Variants in NMNAT2 observed in about 807,000 individuals in gnomAD.
NMNAT2 encodes the protein nicotinamide/nicotinic acid mononucleotide adenylyltransferase 2.
Under a neutral mutation model 41.6 loss-of-function variants are expected in NMNAT2, and 11 were observed. The ratio of observed to expected loss-of-function variants is 0.26; its 90% confidence interval spans 0.17 to 0.44. The LOEUF (loss-of-function observed/expected upper bound fraction) is 0.44. Ranked by LOEUF, NMNAT2 falls within the 20% of genes least tolerant of loss-of-function variation. The pLI is 1.00. For missense variants in NMNAT2, 288 were observed against 407.7 expected (o/e 0.71, Z 2.53); for synonymous variants, 148 against 151.2 (o/e 0.98, Z 0.16).
In NMNAT2 at chr1:183,253,481, A is replaced by C. The variant is rs569178740; in HGVS notation, c.822-738T>G. Among the ~76,000 whole-genome samples the C allele has an allele frequency of 7.9e-5, 12 of 152,222 alleles. No homozygotes were observed. The East Asian group carries it at 1.9e-3, about 24-fold the overall frequency. Reference sequence around the variant, plus strand: ...CTAATTTAGCAAAAACCCTAAATATAATACACTATTATTAGCTGTCATCCT... The same window carrying C: ...CTAATTTAGCAAAAACCCTAAATATCATACACTATTATTAGCTGTCATCCT... On this transcript the variant is annotated intron_variant, in intron 10 of 10. Transcript: ENST00000287713.
At chr1:183,273,738 CTTTT>C (rs1661044524) in intron 8 of NMNAT2, among the ~76,000 whole-genome samples, 1 of 151,926 alleles carries the variant, frequency 6.6e-6, no homozygotes, top group African/African-American at 2.4e-5. Flanking sequence ...TTCTTTCTTT[CTTTT>C]TCTCTCTTTT....
chr1:183,389,806 A>AGGGAGGGAGGG (rs1557897646), intron 1 of NMNAT2, among the ~76,000 whole-genome samples: 11 of 84,958 alleles, frequency 1.3e-4, no homozygotes, highest in Non-Finnish European at 2.3e-4. Context: ...GAAAGAAAGA[A>AGGGAGGGAGGG]AGAAAGAAAG....
chr1:183,400,661 C>T (rs1422620148), intron 1 of NMNAT2, among the ~76,000 whole-genome samples: 2 of 152,182 alleles, frequency 1.3e-5, no homozygotes, highest in Admixed American at 6.5e-5. Context: ...TGACTTCACA[C>T]TGTACTACAA....
At chr1:183,403,449 C>A (rs1011058037) in intron 1 of NMNAT2, among the ~76,000 whole-genome samples, 2 of 151,464 alleles carry the variant, frequency 1.3e-5, no homozygotes, top group Admixed American at 6.6e-5. Context: ...AACCCCCCCC[C>A]CCAAAAAAAA....
intron 1 of NMNAT2, among the ~76,000 whole-genome samples, chr1:183,307,770 C>CG (rs1662028787): frequency 6.6e-6 from 1 of 152,020 alleles, no homozygotes; most frequent in South Asian, 2.1e-4. Flanking sequence ...TTAGTGGAGT[C>CG]GGGGTTTCAA....
rs1238235758 is a variant in NMNAT2 at position 183,389,661 on chromosome 1, T to C, written c.85+28522A>G. Among the ~76,000 whole-genome samples, 6 of 149,696 alleles carry C rather than the reference T, an allele frequency of 4.0e-5. No individual in the cohort carries two copies. The Admixed American group carries it at 4.0e-4, about 10-fold the overall frequency. The stretch of plus-strand genomic sequence containing the variant: ...TGAGGTGGGAGGATTGCTTGAGCCC[T>C]GGAGGTTGAGACTGCAGTGAGCTGA... On this transcript the variant is annotated intron_variant, in intron 1 of 10. Transcript: ENST00000287713.
Position 183,352,336 on chromosome 1 carries a change from G to T in NMNAT2, c.86-58543C>A, listed in dbSNP as rs551791581. ...CCCAGCACTTAGGGAGGCTAAGGTG[G>T]GTGGATCACCTGAAGTCAGGAGTTC... On this transcript the variant is annotated intron_variant, in intron 1 of 10. Coordinates refer to ENST00000287713, the MANE Select transcript of NMNAT2 (RefSeq NM_015039.4). 3.3e-5 allele frequency among the ~76,000 whole-genome samples: 5 copies of T among 152,198 alleles called. No homozygotes were observed. In the South Asian group the frequency reaches 8.3e-4, roughly 25 times the overall value.
chr1:183,270,583 A>G (rs1660960526), intron 8 of NMNAT2, among the ~76,000 whole-genome samples: 1 of 152,060 alleles, frequency 6.6e-6, no homozygotes, highest in Non-Finnish European at 1.5e-5. Flanking sequence ...CCCAGATGAA[A>G]TCATCCCCAC....
intron 1 of NMNAT2, among the ~76,000 whole-genome samples, chr1:183,337,819 C>T (rs76867302): frequency 3.0e-3 from 461 of 152,184 alleles, no homozygotes; most frequent in African/African-American, 0.011. Context: ...CTAAATGCCT[C>T]GTAGATGATT....
At chr1:183,293,886 G>A in intron 1 of NMNAT2, 93 bp from the exon 2 acceptor site, 1 of 854,222 alleles carries the variant, frequency 1.2e-6, no homozygotes, top group Non-Finnish European at 1.9e-6. Flanking sequence ...TGTAATGCTG[G>A]GGTTTATTTC....
intron 1 of NMNAT2, among the ~76,000 whole-genome samples, chr1:183,384,138 G>A (rs1035503833): frequency 6.6e-6 from 1 of 151,362 alleles, no homozygotes; most frequent in Admixed American, 6.6e-5. Context: ...TGAAGGGGAA[G>A]CAAGGCACCT....
chr1:183,302,225 A>C (rs1461902673), intron 1 of NMNAT2, among the ~76,000 whole-genome samples: 1 of 152,230 alleles, frequency 6.6e-6, no homozygotes, highest in Non-Finnish European at 1.5e-5. Context: ...GACATAGAGA[A>C]GTAAAAGACA....
chr1:183,249,813 AACCTGTT>A lies in NMNAT2; in HGVS notation c.*2821_*2827del, dbSNP rs1660328641. 1 of 151,656 alleles carries A rather than the reference AACCTGTT, an allele frequency of 6.6e-6. No individual in the cohort carries two copies. The allele number at this position is 151,656 out of a possible 1,614,324, so 9.4% of individuals were successfully genotyped here. Reference sequence around the variant, plus strand: ...CACTTTCTTTTTATATTAAATAGGAAACCTGTTTTTAGTACAGTGCCTGTAATCCACA... The same window carrying A: ...CACTTTCTTTTTATATTAAATAGGAATTTAGTACAGTGCCTGTAATCCACA... On this transcript the variant is annotated 3_prime_UTR_variant, in exon 11 of 11. Transcript: ENST00000287713.
chr1:183,392,688 A>T (rs934014832), intron 1 of NMNAT2, among the ~76,000 whole-genome samples: 2 of 152,164 alleles, frequency 1.3e-5, no homozygotes, highest in Admixed American at 6.5e-5. Context: ...CTTCTTGGAC[A>T]TGTGAGGGAA....
At chr1:183,261,725 A>G (rs543462487) in intron 8 of NMNAT2, among the ~76,000 whole-genome samples, 2 of 152,178 alleles carry the variant, frequency 1.3e-5, no homozygotes, top group African/African-American at 4.8e-5. Flanking sequence ...GATGGACGTC[A>G]TGAGAGGGAC....
intron 1 of NMNAT2, among the ~76,000 whole-genome samples, chr1:183,333,795 T>G (rs1405544044): frequency 6.6e-6 from 1 of 152,218 alleles, no homozygotes; most frequent in Non-Finnish European, 1.5e-5. Context: ...AACATGGTGC[T>G]CCTTTTGGCT....
At chr1:183,356,856 A>G (rs947734156) in intron 1 of NMNAT2, among the ~76,000 whole-genome samples, 7 of 152,226 alleles carry the variant, frequency 4.6e-5, no homozygotes. Flanking sequence ...CTTTTCATGC[A>G]TAGAATCAGG....
At position 183,418,354 on chromosome 1, in the gene NMNAT2, G is replaced by A. The variant is rs1200522275; in HGVS notation, c.-87C>T. ...CTGCAGAGGGAGAAAGGAAGGCGAG[G>A]CTCCGGCGGTGGATGCTGTGGACTC... is the stretch of plus-strand genomic sequence containing the variant. On this transcript the variant is annotated 5_prime_UTR_variant, in exon 1 of 11. Transcript: ENST00000287713. The A allele has an allele frequency of 7.5e-7, 1 of 1,341,978 alleles. No homozygotes were observed. Among genetic ancestry groups the A allele is most frequent in the Non-Finnish European group, 1.1e-6 (1 of 937,198 alleles). The allele number at this position is 1,341,978 out of a possible 1,614,324, so 83.1% of individuals were successfully genotyped here. A position where few individuals can be genotyped will look rare whatever the true frequency, so the allele number is the denominator to read the frequency against.
chr1:183,356,224 T>C (rs142264135), intron 1 of NMNAT2, among the ~76,000 whole-genome samples: 1 of 152,372 alleles, frequency 6.6e-6, no homozygotes, highest in East Asian at 1.9e-4. Context: ...TGTTTTACAT[T>C]CCTCCTTTAG....
Sources: gnomAD v4.1 joint callset for allele counts (sites outside exome capture counted in the v4.1 genomes callset) on GRCh38, gnomAD v4.1.1 for gene constraint, MANE v1.5 for transcripts, NCBI Gene and HGNC (gene_info 2026-07-23, HGNC 2026-07-21) for gene names.